KIRREL3: variants seen among roughly 807,000 people sequenced by gnomAD.
The protein encoded by KIRREL3 is kirre like nephrin family adhesion molecule 3.
Under a neutral mutation model 89.7 loss-of-function variants are expected in KIRREL3, and 36 were observed. The observed-to-expected ratio is 0.40, with a 90% confidence interval of 0.31 to 0.53. KIRREL3 has a LOEUF of 0.53. Among genes scored for constraint, KIRREL3 ranks in the 20% least tolerant of loss-of-function variants. The probability of loss-of-function intolerance (pLI) is 0.49; values close to 1 mark genes in which losing one functional copy is unlikely to be tolerated. For missense variants in KIRREL3, 864 were observed against 1,056.6 expected (o/e 0.82, Z 2.53); for synonymous variants, 445 against 441.4 (o/e 1.01, Z -0.10).
intron 6 of KIRREL3, among the ~76,000 whole-genome samples, chr11:126,460,992 G>A (rs1021205380): frequency 7.2e-5 from 11 of 152,192 alleles, no homozygotes; most frequent in African/African-American, 2.7e-4. Flanking sequence ...CAGCCTGGAA[G>A]TAGGAAGCTT....
rs1291262900 is a variant in KIRREL3, at chr11:126,697,585, C to T, written c.56-134673G>A. On this transcript the variant is annotated intron_variant, in intron 1 of 16. Coordinates refer to ENST00000525144, the MANE Select transcript of KIRREL3 (RefSeq NM_032531.4). This position sits in a 1 kb window ranked among gnomAD's most constrained non-coding sequence, Gnocchi z 4.2. ...TGAATAGTGATTAGAGATGAGGCCC[C>T]AGGACCTATAGCTTTAGATCCAAAA... 9.9e-5 allele frequency among the ~76,000 whole-genome samples: 15 copies of T among 152,186 alleles called. No homozygotes were observed. The highest frequency in any genetic ancestry group is 9.8e-4 in the Admixed American group (15 of 15,270).
At position 126,806,250 on chromosome 11, in the gene KIRREL3, A is replaced by C. The variant is rs539006624; in HGVS notation, c.55+194205T>G. The stretch of plus-strand genomic sequence containing the variant: ...GAATAACATTCTCCCTCATGTGCTC[A>C]CAACAACAATATGACTACTAATAGT... On this transcript the variant is annotated intron_variant, in intron 1 of 16. Coordinates refer to ENST00000525144, the MANE Select transcript of KIRREL3 (RefSeq NM_032531.4). Among the ~76,000 whole-genome samples, 7 of 152,336 alleles carry C rather than the reference A, an allele frequency of 4.6e-5. No individual in the cohort carries two copies. The South Asian group carries it at 6.2e-4, about 14-fold the overall frequency.
In KIRREL3 at chr11:126,805,503, T is replaced by C. The variant is rs768260342; in HGVS notation, c.55+194952A>G. On this transcript the variant is annotated intron_variant, in intron 1 of 16. Coordinates refer to ENST00000525144, the MANE Select transcript of KIRREL3 (RefSeq NM_032531.4). This position sits in a 1 kb window ranked among gnomAD's most constrained non-coding sequence, Gnocchi z 4.3. Reference sequence around the variant, plus strand: ...AACCCCAAGGTTCAGTCAGGTGCGCTGTCCCATCACAGGAAAAGAAACCTT... The same window carrying C: ...AACCCCAAGGTTCAGTCAGGTGCGCCGTCCCATCACAGGAAAAGAAACCTT... 1.3e-5 allele frequency among the ~76,000 whole-genome samples: 2 copies of C among 152,226 alleles called. No homozygotes were observed. The highest frequency in any genetic ancestry group is 2.4e-5 in the African/African-American group (1 of 41,462).
intron 4 of KIRREL3, among the ~76,000 whole-genome samples, chr11:126,512,847 G>C (rs1958268565): frequency 6.6e-6 from 1 of 152,178 alleles, no homozygotes; most frequent in African/African-American, 2.4e-5. Flanking sequence ...ATGAGCAAAT[G>C]AGAGAGAATC....
chr11:126,853,119 C>T (rs1592225852), intron 1 of KIRREL3, among the ~76,000 whole-genome samples: 1 of 152,086 alleles, frequency 6.6e-6, no homozygotes, highest in East Asian at 1.9e-4. Flanking sequence ...TTTCCAAATG[C>T]TATCAATTTC....
At chr11:126,849,934 A>ATTGTTTGAGTAAT (rs374086948) in intron 1 of KIRREL3, among the ~76,000 whole-genome samples, 1 of 107,518 alleles carries the variant, frequency 9.3e-6, no homozygotes, top group African/African-American at 3.1e-5. Flanking sequence ...ATCAAAGCTG[A>ATTGTTTGAGTAAT]CAACTCCCAA....
At chr11:126,823,358 A>G (rs867397705) in intron 1 of KIRREL3, among the ~76,000 whole-genome samples, 1 of 152,218 alleles carries the variant, frequency 6.6e-6, no homozygotes, top group Non-Finnish European at 1.5e-5. Flanking sequence ...TTTGCTTTTC[A>G]TTACAGGCTC....
intron 1 of KIRREL3, among the ~76,000 whole-genome samples, chr11:126,882,251 T>A (rs993585358): frequency 6.6e-6 from 1 of 152,146 alleles, no homozygotes; most frequent in African/African-American, 2.4e-5. Flanking sequence ...TACATCTCCT[T>A]CTCCTTTAGA....
chr11:126,472,703 G>GGAGAGAGAGAGAGAGAGAGGGAGAGA (rs1956928627), intron 5 of KIRREL3, among the ~76,000 whole-genome samples: 1 of 134,146 alleles, frequency 7.5e-6, no homozygotes, highest in Admixed American at 8.2e-5. Context: ...AGGACATAGA[G>GGAGAGAGAGAGAGAGAGAGGGAGAGA]GAGAGAGAGA....
intron 1 of KIRREL3, among the ~76,000 whole-genome samples, chr11:126,727,245 G>A (rs974297717): frequency 6.6e-5 from 10 of 152,354 alleles, no homozygotes; most frequent in African/African-American, 1.9e-4. Flanking sequence ...GAGGCCGGCT[G>A]GCCACTCTCC....
chr11:126,622,602 T>C lies in KIRREL3; in HGVS notation c.56-59690A>G, dbSNP rs1009695767. On this transcript the variant is annotated intron_variant, in intron 1 of 16. Transcript: ENST00000525144. This position sits in a 1 kb window ranked among gnomAD's most constrained non-coding sequence, Gnocchi z 5.2. ...TACTCAGGAGGCTGAGGCAGAAGAA[T>C]CACTTGAACCCTGGAGGCGGAGGTT... Among the ~76,000 whole-genome samples the C allele has an allele frequency of 1.3e-5, 2 of 152,148 alleles. No individual in the cohort carries two copies. The highest frequency in any genetic ancestry group is 4.8e-5 in the African/African-American group (2 of 41,420).
rs1231620115 is a variant in KIRREL3 at position 126,525,902 on chromosome 11, T to C, written c.283+636A>G. ...TTCACAATAGTTAACAAATGATCTG[T>C]TGTCAGCACTGGCCAGTGAGTTCAC... On this transcript the variant is annotated intron_variant, in intron 3 of 16. Transcript: ENST00000525144. This position sits in a 1 kb window ranked among gnomAD's most constrained non-coding sequence, Gnocchi z 5.4. 6.6e-6 allele frequency among the ~76,000 whole-genome samples: 1 copy of C among 152,222 alleles called. No homozygotes were observed. The highest frequency in any genetic ancestry group is 6.5e-5 in the Admixed American group (1 of 15,282).
rs1248456871 is a variant in KIRREL3 at position 126,492,774 on chromosome 11, G to A, written c.434-19308C>T. Among the ~76,000 whole-genome samples the A allele has an allele frequency of 6.6e-6, 1 of 152,168 alleles. No homozygotes were observed. Among genetic ancestry groups the A allele is most frequent in the Non-Finnish European group, 1.5e-5 (1 of 68,036 alleles). ...GAGCTGGACCGTGCAGGGAGGACTG[G>A]CTTCTTACCTGCCCCGAGACCCAGC... On this transcript the variant is annotated intron_variant, in intron 4 of 16. Transcript: ENST00000525144. This position sits in a 1 kb window ranked among gnomAD's most constrained non-coding sequence, Gnocchi z 4.8.
intron 1 of KIRREL3, among the ~76,000 whole-genome samples, chr11:126,757,962 G>A (rs1327831056): frequency 1.3e-5 from 2 of 152,162 alleles, no homozygotes; most frequent in African/African-American, 2.4e-5. Flanking sequence ...CATTCAATTG[G>A]TATCATTTGC....
chr11:126,673,133 C>T (rs894306115), intron 1 of KIRREL3, among the ~76,000 whole-genome samples: 2 of 152,180 alleles, frequency 1.3e-5, no homozygotes, highest in African/African-American at 4.8e-5. Context: ...GGGTGTTGGG[C>T]AAATTGGTTG....
At chr11:126,438,891 T>C (rs1225634995) in intron 11 of KIRREL3, among the ~76,000 whole-genome samples, 1 of 152,142 alleles carries the variant, frequency 6.6e-6, no homozygotes, top group Admixed American at 6.5e-5. Flanking sequence ...AGGGGTGACC[T>C]CAGCTGCTTC....
At position 126,666,421 on chromosome 11, in the gene KIRREL3, A is replaced by T. The variant is rs1591916054; in HGVS notation, c.56-103509T>A. The stretch of plus-strand genomic sequence containing the variant: ...TGTCTAACCATTTCCTGAAAAATAG[A>T]GGGCCAACTACCATTAGAGCTCTTA... On this transcript the variant is annotated intron_variant, in intron 1 of 16. Transcript: ENST00000525144. This position sits in a 1 kb window ranked among gnomAD's most constrained non-coding sequence, Gnocchi z 4.2. 6.6e-6 allele frequency among the ~76,000 whole-genome samples: 1 copy of T among 152,322 alleles called. No individual in the cohort carries two copies. Among genetic ancestry groups the T allele is most frequent in the Middle Eastern group, 3.4e-3 (1 of 294 alleles).
In KIRREL3 at chr11:126,520,995, A is replaced by C. The variant is rs1035849506; in HGVS notation, c.433+320T>G. On this transcript the variant is annotated intron_variant, in intron 4 of 16. Coordinates refer to ENST00000525144, the MANE Select transcript of KIRREL3 (RefSeq NM_032531.4). The surrounding 1 kb of genome is among the most constrained non-coding windows in gnomAD (Gnocchi z 4.9). ...TCCTGGCACGGAGCCTAGCCTAGATAACGTGTGCAGAGCATGCTTTCTGAT... is the reference window on the plus strand; with the variant it reads ...TCCTGGCACGGAGCCTAGCCTAGATCACGTGTGCAGAGCATGCTTTCTGAT... Among the ~76,000 whole-genome samples, 10 of 152,224 alleles carry C rather than the reference A, an allele frequency of 6.6e-5. No homozygotes were observed. The highest frequency in any genetic ancestry group is 2.9e-5 in the Non-Finnish European group (2 of 68,028).
At chr11:126,450,310 C>T (rs1283181177) in intron 7 of KIRREL3, among the ~76,000 whole-genome samples, 4 of 127,114 alleles carry the variant, frequency 3.1e-5, no homozygotes, top group Admixed American at 2.3e-4. Flanking sequence ...TGAGTGTGCC[C>T]ATGTGCACGT....
Sources: allele counts gnomAD v4.1 joint callset (sites outside exome capture counted in the v4.1 genomes callset), GRCh38; gene constraint gnomAD v4.1.1; non-coding constraint Gnocchi (gnomAD v3.1); transcripts MANE v1.5; gene names NCBI Gene and HGNC (gene_info 2026-07-23, HGNC 2026-07-21).